SEMA6D: variants seen among roughly 807,000 people sequenced by gnomAD.
SEMA6D encodes the protein semaphorin-6D.
Under a neutral mutation model 106.6 loss-of-function variants are expected in SEMA6D, and 35 were observed. The ratio of observed to expected loss-of-function variants is 0.33; its 90% CI spans 0.25 to 0.44. SEMA6D has a LOEUF of 0.44. Among genes scored for constraint, SEMA6D ranks in the 20% least tolerant of loss-of-function variants. The pLI is 1.00. For synonymous variants in SEMA6D, 499 were observed against 487.7 expected (o/e 1.02, Z -0.31); for missense variants, 1,185 against 1,345.9 (o/e 0.88, Z 1.87).
intron 1 of SEMA6D, among the ~76,000 whole-genome samples, chr15:47,735,564 A>G (rs1010134488): frequency 1.2e-4 from 19 of 152,256 alleles, no homozygotes; most frequent in African/African-American, 4.6e-4. Context: ...CATTTCAGAG[A>G]AAACAAACAA....
At chr15:47,455,784 T>C (rs534840927) in intron 2 of SEMA6D, among the ~76,000 whole-genome samples, 2 of 151,954 alleles carry the variant, frequency 1.3e-5, no homozygotes, top group African/African-American at 4.8e-5. Context: ...GTGAATTTAA[T>C]GAAGATTAAG....
chr15:47,330,043 AC>A (rs1159567019), intron 1 of SEMA6D, among the ~76,000 whole-genome samples: 29 of 152,164 alleles, frequency 1.9e-4, no homozygotes, highest in African/African-American at 5.8e-4. Flanking sequence ...TTATAATGGC[AC>A]CTTTACTGAT....
At chr15:47,428,116 TTAA>T (rs2041404049) in intron 2 of SEMA6D, among the ~76,000 whole-genome samples, 1 of 152,112 alleles carries the variant, frequency 6.6e-6, no homozygotes, top group Non-Finnish European at 1.5e-5. Flanking sequence ...CTGAACATTA[TTAA>T]TAACAACAAT....
chr15:47,187,048 T>G (rs1330490941), intron 1 of SEMA6D, among the ~76,000 whole-genome samples: 5 of 152,168 alleles, frequency 3.3e-5, no homozygotes, highest in Admixed American at 6.5e-5. Context: ...GCTGTAGGCC[T>G]CCTGGCCATT....
Position 47,250,961 on chromosome 15 carries a change from C to A in SEMA6D, c.-239+66543C>A, listed in dbSNP as rs768669852. Among the ~76,000 whole-genome samples, 15 of 152,298 alleles carry A rather than the reference C, an allele frequency of 9.8e-5. No individual in the cohort carries two copies. In the South Asian group the frequency reaches 1.2e-3, roughly 13 times the overall value. ...AAGATACGATTTTAAATAATTAATGCATTAAAAGGTTTTGGCACCTTGCTT... is the reference window on the plus strand; with the variant it reads ...AAGATACGATTTTAAATAATTAATGAATTAAAAGGTTTTGGCACCTTGCTT... On this transcript the variant is annotated intron_variant, in intron 1 of 19. Coordinates refer to the SEMA6D transcript ENST00000558014.
intron 2 of SEMA6D, among the ~76,000 whole-genome samples, chr15:47,448,345 C>T (rs998851421): frequency 1.3e-5 from 2 of 148,288 alleles, no homozygotes; most frequent in African/African-American, 2.6e-5. Context: ...TGATCTGGTC[C>T]AAGACAGGAA....
At chr15:47,488,144 G>A (rs918767297) in intron 3 of SEMA6D, among the ~76,000 whole-genome samples, 10 of 150,722 alleles carry the variant, frequency 6.6e-5, no homozygotes, top group Middle Eastern at 3.2e-3. Flanking sequence ...TTTTGTTTCT[G>A]TCATCGGTAT....
intron 2 of SEMA6D, among the ~76,000 whole-genome samples, chr15:47,439,441 A>G (rs965390672): frequency 1.3e-5 from 2 of 152,128 alleles, no homozygotes; most frequent in Admixed American, 1.3e-4. Context: ...AACTGATACA[A>G]TTTGGCCTGA....
chr15:47,206,976 T>C (rs1456640700), intron 1 of SEMA6D, among the ~76,000 whole-genome samples: 3 of 151,838 alleles, frequency 2.0e-5, no homozygotes, highest in Admixed American at 6.6e-5. Flanking sequence ...AGAGAAAAAA[T>C]AACTTCAAGG....
rs1337716675 is a variant in SEMA6D at position 47,665,195 on chromosome 15, T to A, written c.-55+64299T>A. Reference sequence around the variant, plus strand: ...TAGGAATGATTCTTGCTTGATATTATCAGCCCTTGAGTAGGAAGAAAGCAG... The same window carrying A: ...TAGGAATGATTCTTGCTTGATATTAACAGCCCTTGAGTAGGAAGAAAGCAG... On this transcript the variant is annotated intron_variant, in intron 4 of 19. Coordinates refer to the SEMA6D transcript ENST00000558014. 3.9e-5 allele frequency among the ~76,000 whole-genome samples: 6 copies of A among 152,364 alleles called. No homozygotes were observed. The East Asian group carries it at 9.6e-4, about 24-fold the overall frequency.
intron 3 of SEMA6D, among the ~76,000 whole-genome samples, chr15:47,486,042 A>G (rs2043287205): frequency 6.6e-6 from 1 of 152,204 alleles, no homozygotes; most frequent in Non-Finnish European, 1.5e-5. Flanking sequence ...AAGTATCTCA[A>G]GTGTCTAATA....
chr15:47,258,156 A>G (rs775854095), intron 1 of SEMA6D, among the ~76,000 whole-genome samples: 1 of 152,194 alleles, frequency 6.6e-6, no homozygotes, highest in Non-Finnish European at 1.5e-5. Flanking sequence ...AATTTTAAAT[A>G]TCAGAGCTTT....
At chr15:47,514,274 C>T (rs890169715) in intron 3 of SEMA6D, among the ~76,000 whole-genome samples, 1 of 152,172 alleles carries the variant, frequency 6.6e-6, no homozygotes, top group Non-Finnish European at 1.5e-5. Context: ...CACAGGGCCA[C>T]GATTGGTCTA....
chr15:47,203,424 A>C (rs1247607647), intron 1 of SEMA6D, among the ~76,000 whole-genome samples: 1 of 152,214 alleles, frequency 6.6e-6, no homozygotes, highest in Non-Finnish European at 1.5e-5. Context: ...ACACCCACGC[A>C]GATTTTTCAT....
At chr15:47,644,131 A>G (rs991944734) in intron 4 of SEMA6D, among the ~76,000 whole-genome samples, 2 of 151,580 alleles carry the variant, frequency 1.3e-5, no homozygotes, top group African/African-American at 4.9e-5. Context: ...TGAAATGGTT[A>G]AAAAAAAATC....
chr15:47,454,826 C>A (rs2042299529), intron 2 of SEMA6D, among the ~76,000 whole-genome samples: 1 of 151,874 alleles, frequency 6.6e-6, no homozygotes, highest in African/African-American at 2.4e-5. Context: ...CCCACTACAG[C>A]CAGGTAGTAT....
chr15:47,481,781 G>A (rs1373619408), intron 3 of SEMA6D, among the ~76,000 whole-genome samples: 1 of 152,156 alleles, frequency 6.6e-6, no homozygotes, highest in African/African-American at 2.4e-5. Flanking sequence ...ATAAATGCAT[G>A]TCATGTATAA....
chr15:47,766,271 ACTT>A, intron 15 of SEMA6D, 89 bp downstream of exon 15: 2 of 1,163,550 alleles, frequency 1.7e-6, no homozygotes, highest in South Asian at 3.0e-5. Context: ...CAATTATACT[ACTT>A]TTCTTTTTTT....
At chr15:47,352,769 T>G (rs1239366191) in intron 1 of SEMA6D, among the ~76,000 whole-genome samples, 2 of 152,202 alleles carry the variant, frequency 1.3e-5, no homozygotes, top group South Asian at 2.1e-4. Flanking sequence ...TAGTATATAC[T>G]GCAAGACTTT....
Sources: gnomAD v4.1 joint callset for allele counts (sites outside exome capture counted in the v4.1 genomes callset) on GRCh38, gnomAD v4.1.1 for gene constraint, MANE v1.5 for transcripts, NCBI Gene and HGNC (gene_info 2026-07-23, HGNC 2026-07-21) for gene names.